BARX2: variants seen among roughly 807,000 people sequenced by gnomAD.
BARX2 encodes the protein BARX homeobox 2.
A neutral mutation model predicts 25.5 loss-of-function variants in BARX2; 11 were observed. The ratio of observed to expected loss-of-function variants is 0.43; its 90% CI spans 0.27 to 0.71. The LOEUF (loss-of-function observed/expected upper bound fraction) is 0.71, where lower values mean the gene tolerates loss of function less well. BARX2 is among the 30% of genes least tolerant of loss of function. The pLI, the probability that BARX2 is intolerant of heterozygous loss-of-function variation, is 0.19. For synonymous variants in BARX2, 137 were observed against 149.5 expected, an observed-to-expected ratio of 0.92 and a Z score of 0.61; for missense variants, 360 against 359.9, an observed-to-expected ratio of 1.00 and a Z score of 0.00.
rs576595440 is a variant in BARX2, at chr11:129,441,226, G to A, written c.489-1609G>A. On this transcript the variant is annotated intron_variant, in intron 2 of 3. Coordinates refer to ENST00000281437, the MANE Select transcript of BARX2 (RefSeq NM_003658.5). ...ATCCCCTTTGACAGGTTCAACTTGT[G>A]CAGATATATTGTGAGTGGGTGTGAG... Among the ~76,000 whole-genome samples, 6 of 152,244 alleles carry A rather than the reference G, an allele frequency of 3.9e-5. No individual in the cohort carries two copies. The South Asian group carries it at 8.3e-4, about 21-fold the overall frequency.
chr11:129,442,929 G>A lies in BARX2; in HGVS notation c.573+10G>A. On this transcript the variant is annotated intron_variant, in intron 3 of 3. Transcript: ENST00000281437. ...GAAATGGAAGAAAATGGTAAGAAAG[G>A]AGTGACTAACCATGATCCCTTCCTG... 1 of 1,605,142 alleles carries A rather than the reference G, an allele frequency of 6.2e-7. No individual in the cohort carries two copies. The highest frequency in any genetic ancestry group is 8.5e-7 in the Non-Finnish European group (1 of 1,171,974).
intron 1 of BARX2, among the ~76,000 whole-genome samples, chr11:129,425,631 T>C (rs1229228498): frequency 6.6e-6 from 1 of 152,208 alleles, no homozygotes. Flanking sequence ...CTCACTTAGC[T>C]CCAGCATTGC....
chr11:129,435,409 G>A (rs1862177267), intron 1 of BARX2, among the ~76,000 whole-genome samples: 1 of 152,210 alleles, frequency 6.6e-6, no homozygotes, highest in South Asian at 2.1e-4. Flanking sequence ...ACAAAGGCAT[G>A]GGAAGGAATA....
chr11:129,386,714 T>A (rs1172875838), intron 1 of BARX2, among the ~76,000 whole-genome samples: 1 of 152,246 alleles, frequency 6.6e-6, no homozygotes, highest in African/African-American at 2.4e-5. Flanking sequence ...CTCAGCAAAG[T>A]AGTCCCAATT....
intron 2 of BARX2, 71 bp from the exon 3 acceptor site, chr11:129,442,764 G>C: frequency 7.4e-7 from 1 of 1,354,442 alleles, no homozygotes; most frequent in Non-Finnish European, 1.1e-6. Flanking sequence ...TCTGGAGCCT[G>C]CCAGCAGGAT....
intron 2 of BARX2, 185 bp downstream of exon 2, chr11:129,437,236 C>T (rs572273683): frequency 3.0e-5 from 20 of 673,716 alleles, no homozygotes; most frequent in Middle Eastern, 9.1e-4. Context: ...ATCCACCACA[C>T]GGTCCCTGGA....
At chr11:129,405,979 T>C (rs951081513) in intron 1 of BARX2, among the ~76,000 whole-genome samples, 1 of 152,238 alleles carries the variant, frequency 6.6e-6, no homozygotes. Flanking sequence ...TGTCTTGCTT[T>C]ATAGGTACCT....
chr11:129,411,815 A>G (rs1203543809), intron 1 of BARX2, among the ~76,000 whole-genome samples: 2 of 152,220 alleles, frequency 1.3e-5, no homozygotes, highest in African/African-American at 2.4e-5. Flanking sequence ...AAGGCTCACA[A>G]GGTCTTTTGA....
At chr11:129,421,703 G>A (rs1307550612) in intron 1 of BARX2, among the ~76,000 whole-genome samples, 1 of 152,220 alleles carries the variant, frequency 6.6e-6, no homozygotes, top group African/African-American at 2.4e-5. Context: ...CAGGTGCTCC[G>A]GTTTAATGAC....
At chr11:129,386,699 C>A (rs2135385645) in intron 1 of BARX2, among the ~76,000 whole-genome samples, 1 of 152,262 alleles carries the variant, frequency 6.6e-6, no homozygotes, top group East Asian at 1.9e-4. Context: ...AGACGTTTTT[C>A]TTTTCTCAGC....
chr11:129,385,937 G>C (rs1288333307), intron 1 of BARX2, among the ~76,000 whole-genome samples: 1 of 152,168 alleles, frequency 6.6e-6, no homozygotes, highest in Non-Finnish European at 1.5e-5. Context: ...TACAGAGCTT[G>C]TTGTACATAG....
At chr11:129,414,751 A>C (rs1486156259) in intron 1 of BARX2, among the ~76,000 whole-genome samples, 2 of 152,248 alleles carry the variant, frequency 1.3e-5, no homozygotes, top group Non-Finnish European at 2.9e-5. Context: ...TTGTGCCTTC[A>C]TTGTGACTGG....
intron 1 of BARX2, among the ~76,000 whole-genome samples, chr11:129,423,485 A>G (rs1862030427): frequency 6.6e-6 from 1 of 152,180 alleles, no homozygotes; most frequent in Non-Finnish European, 1.5e-5. Context: ...CCAGGGGGCC[A>G]CATGCAGAAA....
chr11:129,413,802 G>A lies in BARX2; in HGVS notation c.188-22949G>A, dbSNP rs1298179917. On this transcript the variant is annotated intron_variant, in intron 1 of 3. Coordinates refer to ENST00000281437, the MANE Select transcript of BARX2 (RefSeq NM_003658.5). ...CAGTAGGCCGGGCGCAGTGGCTCAC[G>A]CCTGTAATCCCAGCACTTTGGGAGG... is the stretch of plus-strand genomic sequence containing the variant. Among the ~76,000 whole-genome samples the A allele has an allele frequency of 2.0e-5, 3 of 152,254 alleles. No individual in the cohort carries two copies. The East Asian group carries it at 5.8e-4, about 29-fold the overall frequency.
chr11:129,389,900 A>C (rs956558414), intron 1 of BARX2, among the ~76,000 whole-genome samples: 3 of 152,170 alleles, frequency 2.0e-5, no homozygotes, highest in Non-Finnish European at 4.4e-5. Context: ...TTCCAAATGA[A>C]GTGCCTTTGT....
At chr11:129,431,132 A>G (rs1375061210) in intron 1 of BARX2, among the ~76,000 whole-genome samples, 2 of 152,136 alleles carry the variant, frequency 1.3e-5, no homozygotes, top group East Asian at 1.9e-4. Context: ...GTGTGCATCA[A>G]TCGTTTTATT....
At chr11:129,377,664 T>C (rs1861517904) in intron 1 of BARX2, among the ~76,000 whole-genome samples, 1 of 152,236 alleles carries the variant, frequency 6.6e-6, no homozygotes, top group Non-Finnish European at 1.5e-5. Flanking sequence ...GGTGATAAGT[T>C]GAATATTGTT....
intron 2 of BARX2, among the ~76,000 whole-genome samples, chr11:129,439,196 G>A (rs1862227551): frequency 1.3e-5 from 2 of 152,172 alleles, no homozygotes; most frequent in Non-Finnish European, 2.9e-5. Flanking sequence ...GGACCAGTTA[G>A]GAGAGAATCC....
rs1273095631 is a variant in BARX2, at chr11:129,376,192, G to A, written c.157G>A (p.Val53Met). 4 of 1,610,286 alleles carry A rather than the reference G, an allele frequency of 2.5e-6. No homozygotes were observed. The highest frequency in any genetic ancestry group is 3.4e-6 in the Non-Finnish European group (4 of 1,178,230). ...CTACTCCGTGTGCCCGTCGCTGGTC[G>A]TGCGACCCAAGCCCCTGCATTCCTG... Reference protein sequence around the residue: ...SLYSVCPSLVVRPKPLHSCTG... With the variant: ...SLYSVCPSLVMRPKPLHSCTG... The change falls in exon 1 of 4, where the codon GTG becomes ATG. Residue 53 changes from valine to methionine, a missense_variant. Physicochemically the swap from Val to Met is conservative, Grantham distance 21 (BLOSUM62 1). Around this residue, in one of 3 missense-constraint regions of BARX2, gnomAD observed 240 missense variants for 228.7 expected, o/e 1.05. Coordinates refer to ENST00000281437, the MANE Select transcript of BARX2 (RefSeq NM_003658.5). The surrounding 1 kb of genome is among the most constrained non-coding windows in gnomAD (Gnocchi z 4.2).
Sources: gnomAD v4.1 joint callset for allele counts (sites outside exome capture counted in the v4.1 genomes callset) on GRCh38, gnomAD v4.1.1 for gene constraint, gnomAD v4.1.1 regional missense constraint, Gnocchi (gnomAD v3.1) non-coding constraint, MANE v1.5 for transcripts, NCBI Gene and HGNC (gene_info 2026-07-23, HGNC 2026-07-21) for gene names.